NUP210: variants seen among roughly 807,000 people sequenced by gnomAD.
NUP210 encodes the protein nucleoporin 210.
A neutral mutation model predicts 196.0 loss-of-function variants in NUP210; 151 were observed. The observed-to-expected ratio is 0.77, with a 90% CI of 0.67 to 0.88. The LOEUF (loss-of-function observed/expected upper bound fraction) is 0.88, where lower values mean the gene tolerates loss of function less well. Among genes scored for constraint, NUP210 ranks in the 40% least tolerant of loss-of-function variants. The probability of loss-of-function intolerance (pLI) is 0.00; values close to 1 mark genes in which losing one functional copy is unlikely to be tolerated. For synonymous variants in NUP210, 1,070 were observed against 1,052.7 expected (o/e 1.02, Z -0.32); for missense variants, 2,314 against 2,493.7 (o/e 0.93, Z 1.53).
chr3:13,379,079 A>G lies in NUP210; in HGVS notation c.977-99T>C. On this transcript the variant is annotated intron_variant, in intron 7 of 39. Coordinates refer to ENST00000254508, the MANE Select transcript of NUP210 (RefSeq NM_024923.4). The surrounding 1 kb of genome is among the most constrained non-coding windows in gnomAD (Gnocchi z 4.2). ...AGAATCCTGATCATCAAGACATCAC[A>G]TGGAGAGAAGAAGAGGGGATGAAAA... 2 of 1,009,914 alleles carry G rather than the reference A, an allele frequency of 2.0e-6. No homozygotes were observed. The highest frequency in any genetic ancestry group is 1.6e-6 in the Non-Finnish European group (1 of 634,060). 62.6% of individuals were successfully genotyped at this position (1,009,914 alleles called of 1,614,324 possible).
At position 13,420,133 on chromosome 3, in the gene NUP210, T is replaced by A; in HGVS notation, c.94A>T (p.Lys32Ter). 1 of 1,346,432 alleles carries A rather than the reference T, an allele frequency of 7.4e-7. No homozygotes were observed. The highest frequency in any genetic ancestry group is 9.7e-7 in the Non-Finnish European group (1 of 1,028,664). 83.4% of individuals were successfully genotyped at this position (1,346,432 alleles called of 1,614,324 possible). ...SAAAAKLNIP[K>*]VLLPFTRATR... ...GCCCGCGTGAAGGGCAGCAGCACTT[T>A]GGGGATGTTGAGCTTGGCCGCAGCG... The change falls in exon 1 of 40, where the codon AAA becomes TAA. Residue 32 changes from lysine (K) to a stop codon, truncating the protein, a stop_gained. Coordinates refer to ENST00000254508, the MANE Select transcript of NUP210 (RefSeq NM_024923.4). LOFTEE classifies it high-confidence loss of function. The surrounding 1 kb of genome is among the most constrained non-coding windows in gnomAD (Gnocchi z 4.8).
chr3:13,388,419 G>A lies in NUP210; in HGVS notation c.568C>T (p.Pro190Ser). ...TTCTCCATCTCTGAGATGTAAGAAG[G>A]AGGGATGTACGTAGACTCCAAGAAA... is the stretch of plus-strand genomic sequence containing the variant. The part of the protein sequence containing the change: ...LTFLESTYIP[P>S]SYISEMEKAA... The change falls in exon 5 of 40, where the codon CCT becomes TCT. Residue 190 changes from proline to serine, a missense_variant. Physicochemically the swap from Pro to Ser is moderately conservative, Grantham distance 74. Coordinates refer to ENST00000254508, the MANE Select transcript of NUP210 (RefSeq NM_024923.4). 1 of 1,612,476 alleles carries A rather than the reference G, an allele frequency of 6.2e-7. No individual in the cohort carries two copies. The highest frequency in any genetic ancestry group is 1.1e-5 in the South Asian group (1 of 90,830).
At chr3:13,369,432 T>G (rs1576390885) in intron 13 of NUP210, among the ~76,000 whole-genome samples, 1 of 152,188 alleles carries the variant, frequency 6.6e-6, no homozygotes, top group East Asian at 1.9e-4. Flanking sequence ...TGTAGTCCAG[T>G]TTGTCTATTT....
At chr3:13,339,421 C>T (rs950020718) in intron 25 of NUP210, among the ~76,000 whole-genome samples, 1 of 152,196 alleles carries the variant, frequency 6.6e-6, no homozygotes, top group Non-Finnish European at 1.5e-5. Context: ...AGCAGCCTTC[C>T]GAGATGCTTC....
intron 11 of NUP210, among the ~76,000 whole-genome samples, chr3:13,374,518 T>C (rs998698216): frequency 6.6e-6 from 1 of 152,078 alleles, no homozygotes; most frequent in Non-Finnish European, 1.5e-5. Flanking sequence ...GCCCTCACCC[T>C]CTTTGTCCTG....
intron 35 of NUP210, 107 bp from the exon 36 acceptor site, chr3:13,321,942 C>A (rs1696548255): frequency 6.8e-7 from 1 of 1,473,610 alleles, no homozygotes; most frequent in Non-Finnish European, 9.2e-7. Context: ...TCCTCCAAAG[C>A]CCAGGTGAGA....
chr3:13,348,651 G>T lies in NUP210; in HGVS notation c.2835+3228C>A. 3.0e-6 allele frequency: 3 copies of T among 985,352 alleles called. No individual in the cohort carries two copies. The highest frequency in any genetic ancestry group is 3.6e-6 in the Non-Finnish European group (3 of 829,920). 61.0% of individuals were successfully genotyped at this position (985,352 alleles called of 1,614,324 possible). On this transcript the variant is annotated intron_variant, in intron 20 of 39. Coordinates refer to ENST00000254508, the MANE Select transcript of NUP210 (RefSeq NM_024923.4). This position sits in a 1 kb window ranked among gnomAD's most constrained non-coding sequence, Gnocchi z 4.0. The stretch of plus-strand genomic sequence containing the variant: ...GAGGGGATAAGAATGCTTAGGAGAC[G>T]CTGCTTGTGGTCTCAGGCTCCTCGC...
At chr3:13,327,123 C>T (rs914349296) in intron 32 of NUP210, 94 bp downstream of exon 32, 5 of 952,920 alleles carry the variant, frequency 5.2e-6, no homozygotes, top group African/African-American at 4.9e-5. Flanking sequence ...TGTAGGCCCC[C>T]GTGACTGGTG....
intron 1 of NUP210, among the ~76,000 whole-genome samples, chr3:13,413,274 TG>T (rs1376322987): frequency 1.3e-5 from 2 of 151,928 alleles, no homozygotes; most frequent in Non-Finnish European, 1.5e-5. Context: ...GAGACCATCC[TG>T]GCTAACATGG....
rs1697412616 is a variant in NUP210 at position 13,340,209 on chromosome 3, A to G, written c.3291+27T>C. 6.2e-7 allele frequency: 1 copy of G among 1,612,528 alleles called. No individual in the cohort carries two copies. The highest frequency in any genetic ancestry group is 1.3e-5 in the African/African-American group (1 of 74,914). ...AGGTGGTGGCCTGCACTGGGGCTGG[A>G]GCAGGACGTGGCCTCTTGGCTCTCA... On this transcript the variant is annotated intron_variant, in intron 24 of 39. Transcript: ENST00000254508. This position sits in a 1 kb window ranked among gnomAD's most constrained non-coding sequence, Gnocchi z 4.0.
At chr3:13,413,960 A>C (rs1700260484) in intron 1 of NUP210, among the ~76,000 whole-genome samples, 1 of 152,240 alleles carries the variant, frequency 6.6e-6, no homozygotes, top group Non-Finnish European at 1.5e-5. Flanking sequence ...TGAGTTTTGA[A>C]AGAGTGAATT....
rs755787756 is a variant in NUP210 at position 13,325,859 on chromosome 3, G to A, written c.4580C>T (p.Ala1527Val). 6.2e-7 allele frequency: 1 copy of A among 1,613,826 alleles called. No individual in the cohort carries two copies. The change falls in exon 33 of 40, where the codon GCC becomes GTC. Residue 1527 changes from alanine (A) to valine (V), a missense_variant. By Grantham distance (64) the Ala-to-Val change is moderately conservative. Coordinates refer to ENST00000254508, the MANE Select transcript of NUP210 (RefSeq NM_024923.4). Reference sequence around the variant, plus strand: ...AACCGTCACGGATCCCACGGCCCGGGCCACAGCCACACCCGTCTTGGGGTC... The same window carrying A: ...AACCGTCACGGATCCCACGGCCCGGACCACAGCCACACCCGTCTTGGGGTC... ...HIDPKTGVAV[A>V]RAVGSVTVYY...
Position 13,339,884 on chromosome 3 carries a change from T to G in NUP210, c.3441A>C (p.Ala1147=). 7 of 1,613,898 alleles carry G rather than the reference T, an allele frequency of 4.3e-6. No individual in the cohort carries two copies. The highest frequency in any genetic ancestry group is 4.2e-6 in the Non-Finnish European group (5 of 1,180,010). ...TVSGLVQAVD[A]ETGKVVIISQ... is the part of the protein sequence containing the mutation. ...AGATGATGACCACCTTGCCGGTCTC[T>G]GCATCCACTGCCTGCACGAGCCCAG... The change falls in exon 25 of 40, where the codon GCA becomes GCC. Residue 1147 remains alanine (A), a synonymous_variant. Transcript: ENST00000254508.
chr3:13,341,646 T>C (rs1056636632), intron 23 of NUP210, 102 bp downstream of exon 23: 74 of 1,357,042 alleles, frequency 5.5e-5, no homozygotes, highest in Non-Finnish European at 7.1e-5. Flanking sequence ...CACAGATTTT[T>C]ATATGGCTTC....
chr3:13,391,286 G>T lies in NUP210; in HGVS notation c.458C>A (p.Ala153Asp). 1 of 1,611,058 alleles carries T rather than the reference G, an allele frequency of 6.2e-7. No individual in the cohort carries two copies. The highest frequency in any genetic ancestry group is 8.5e-7 in the Non-Finnish European group (1 of 1,178,604). Reference protein sequence around the residue: ...DSEGNTFSTLAGLVFEWTIVK... With the variant: ...DSEGNTFSTLDGLVFEWTIVK... ...AATCGTCCACTCGAAGACCAGTCCA[G>T]CCAGAGTGCTGAAGGTGTTCCCTAT... Residue 153 changes from alanine to aspartate, a missense_variant, in exon 4 of 40, where the codon GCT becomes GAT. Coordinates refer to ENST00000254508, the MANE Select transcript of NUP210 (RefSeq NM_024923.4).
chr3:13,389,800 T>C (rs551558057), intron 4 of NUP210, among the ~76,000 whole-genome samples: 1 of 152,094 alleles, frequency 6.6e-6, no homozygotes, highest in African/African-American at 2.4e-5. Flanking sequence ...CTTATAATTA[T>C]ATAGGGGTGA....
rs1217046747 is a variant in NUP210 at position 13,340,525 on chromosome 3, GT to G, written c.3229-228del. On this transcript the variant is annotated intron_variant, in intron 23 of 39. Coordinates refer to ENST00000254508, the MANE Select transcript of NUP210 (RefSeq NM_024923.4). This position sits in a 1 kb window ranked among gnomAD's most constrained non-coding sequence, Gnocchi z 4.0. ...GGGGTGTGTTCTTCTGTTTGTGACT[GT>G]GTTTCACTTTCCCTAGATGTTAAAA... Among the ~76,000 whole-genome samples the G allele has an allele frequency of 1.3e-5, 2 of 152,186 alleles. No homozygotes were observed. Among genetic ancestry groups the G allele is most frequent in the Non-Finnish European group, 2.9e-5 (2 of 68,022 alleles).
At chr3:13,353,831 C>T (rs1331042495) in intron 17 of NUP210, 84 bp downstream of exon 17, 25 of 1,370,712 alleles carry the variant, frequency 1.8e-5, no homozygotes, top group South Asian at 2.7e-5. Context: ...TAACTAAGCT[C>T]CCACAGGCAC....
Position 13,328,962 on chromosome 3 carries a change from C to A in NUP210, c.4111-16G>T. The A allele has an allele frequency of 6.2e-7, 1 of 1,611,638 alleles. No individual in the cohort carries two copies. The highest frequency in any genetic ancestry group is 8.5e-7 in the Non-Finnish European group (1 of 1,178,592). On this transcript the variant is annotated splice_polypyrimidine_tract_variant and intron_variant, in intron 30 of 39. Transcript: ENST00000254508. ...CAGGGGATACCTAAGGGACAACATA[C>A]AGGTATGATGAGGATTCAGTGCCAG... is the stretch of plus-strand genomic sequence containing the variant.
Sources: allele counts gnomAD v4.1 joint callset (sites outside exome capture counted in the v4.1 genomes callset), GRCh38; gene constraint gnomAD v4.1.1; non-coding constraint Gnocchi (gnomAD v3.1); transcripts MANE v1.5; gene names NCBI Gene and HGNC (gene_info 2026-07-23, HGNC 2026-07-21).